PTPRQ: variants seen among roughly 807,000 people sequenced by gnomAD.
PTPRQ encodes protein tyrosine phosphatase receptor type Q, also known as phosphatidylinositol phosphatase PTPRQ.
Under a neutral mutation model 246.0 loss-of-function variants are expected in PTPRQ, and 199 were observed. The observed-to-expected ratio is 0.81, with a 90% CI of 0.72 to 0.91. PTPRQ has a LOEUF of 0.91. PTPRQ is among the 40% of genes least tolerant of loss of function. The pLI, the probability that PTPRQ is intolerant of heterozygous loss-of-function variation, is 0.00. For synonymous variants in PTPRQ, 869 were observed against 853.2 expected (o/e 1.02, Z -0.32); for missense variants, 2,624 against 2,528.4 (o/e 1.04, Z -0.81).
intron 10 of PTPRQ, 80 bp downstream of exon 10, chr12:80,493,535 G>C (rs1183718758): frequency 3.5e-6 from 5 of 1,422,746 alleles, no homozygotes; most frequent in Non-Finnish European, 4.6e-6. Flanking sequence ...TAAGCTTAGA[G>C]TTCAGCCATA....
chr12:80,606,384 G>T (rs1406170), intron 27 of PTPRQ, among the ~76,000 whole-genome samples: 5 of 150,966 alleles, frequency 3.3e-5, no homozygotes, highest in Non-Finnish European at 7.4e-5. Context: ...TAAATAAGAG[G>T]CCATTGAAGA....
chr12:80,459,311 T>C lies in PTPRQ; in HGVS notation c.488T>C (p.Val163Ala), dbSNP rs1893075695. 1 of 398,384 alleles carries C rather than the reference T, an allele frequency of 2.5e-6. No homozygotes were observed. The highest frequency in any genetic ancestry group is 4.4e-5 in the Admixed American group (1 of 22,702). The allele number at this position is 398,384 out of a possible 1,614,324, so 24.7% of individuals were successfully genotyped here. Residue 163 changes from valine to alanine, a missense_variant, in exon 5 of 45, where the codon GTT becomes GCT. Transcript: ENST00000644991. ...SAPGKVVNLTVEAYNASAVKL... is the reference protein window; with the variant it reads ...SAPGKVVNLTAEAYNASAVKL... ...CCAGGAAAAGTGGTGAATCTCACAG[T>C]TGAGGCCTACAACGCTTCAGCAGTT... is the stretch of plus-strand genomic sequence containing the variant.
At chr12:80,548,050 C>T (rs1262174703) in intron 24 of PTPRQ, among the ~76,000 whole-genome samples, 3 of 151,950 alleles carry the variant, frequency 2.0e-5, no homozygotes, top group Admixed American at 6.6e-5. Flanking sequence ...AAATGTTCAA[C>T]CCATAAATAA....
chr12:80,534,209 TTC>T (rs1895923241), intron 18 of PTPRQ, 34 bp downstream of exon 18: 2 of 1,430,922 alleles, frequency 1.4e-6, no homozygotes, highest in East Asian at 5.4e-5. Flanking sequence ...TAAAAGAATG[TTC>T]TTTTTCTTTA....
At chr12:80,659,301 C>A (rs1177826461) in intron 39 of PTPRQ, among the ~76,000 whole-genome samples, 2 of 151,896 alleles carry the variant, frequency 1.3e-5, no homozygotes, top group Non-Finnish European at 2.9e-5. Context: ...AAATCTTATG[C>A]TTACAATTTC....
chr12:80,533,709 T>C (rs954588570), intron 17 of PTPRQ, among the ~76,000 whole-genome samples: 3 of 152,106 alleles, frequency 2.0e-5, no homozygotes, highest in African/African-American at 7.2e-5. Context: ...AAGGGAATAC[T>C]GTAATTACTT....
chr12:80,536,688 C>T (rs1895997977), intron 19 of PTPRQ, among the ~76,000 whole-genome samples: 1 of 152,180 alleles, frequency 6.6e-6, no homozygotes, highest in Non-Finnish European at 1.5e-5. Context: ...CTATGTCACG[C>T]AGTTTTTGCT....
At chr12:80,658,545 A>G (rs894780569) in intron 39 of PTPRQ, among the ~76,000 whole-genome samples, 3 of 152,054 alleles carry the variant, frequency 2.0e-5, no homozygotes, top group African/African-American at 7.2e-5. Flanking sequence ...TGGTTTGCAA[A>G]TTCATGGAAT....
intron 27 of PTPRQ, 81 bp downstream of exon 27, chr12:80,605,261 G>A: frequency 6.7e-7 from 1 of 1,484,664 alleles, no homozygotes; most frequent in Non-Finnish European, 9.0e-7. Context: ...ATTTGAATTT[G>A]AATTTTGGCT....
At chr12:80,590,271 C>G (rs1166010698) in intron 26 of PTPRQ, among the ~76,000 whole-genome samples, 1 of 152,078 alleles carries the variant, frequency 6.6e-6, no homozygotes, top group Non-Finnish European at 1.5e-5. Flanking sequence ...TACATTAGTA[C>G]AACTCTTCAT....
At chr12:80,517,801 T>A (rs1044627255) in intron 17 of PTPRQ, among the ~76,000 whole-genome samples, 5 of 152,102 alleles carry the variant, frequency 3.3e-5, no homozygotes, top group Non-Finnish European at 7.4e-5. Flanking sequence ...ACAATGACCA[T>A]GATGGCATCT....
intron 25 of PTPRQ, among the ~76,000 whole-genome samples, chr12:80,553,755 T>TG (rs1896556313): frequency 6.6e-6 from 1 of 152,146 alleles, no homozygotes; most frequent in African/African-American, 2.4e-5. Context: ...CCCCCAAGCT[T>TG]GGTTCTACAT....
intron 8 of PTPRQ, among the ~76,000 whole-genome samples, chr12:80,481,610 GTA>G (rs1232370735): frequency 2.0e-5 from 3 of 152,104 alleles, no homozygotes; most frequent in Non-Finnish European, 4.4e-5. Flanking sequence ...TGACATGATT[GTA>G]TATCTAGAAA....
At chr12:80,521,969 A>G (rs1895508839) in intron 17 of PTPRQ, among the ~76,000 whole-genome samples, 1 of 152,098 alleles carries the variant, frequency 6.6e-6, no homozygotes, top group Non-Finnish European at 1.5e-5. Context: ...GGCCATTTTC[A>G]CGATATTGAT....
At position 80,615,314 on chromosome 12, in the gene PTPRQ, A is replaced by G. The variant is rs1490662780; in HGVS notation, c.5164-886A>G. Among the ~76,000 whole-genome samples the G allele has an allele frequency of 5.3e-5, 8 of 151,166 alleles. No homozygotes were observed. In the East Asian group the frequency reaches 1.6e-3, roughly 29 times the overall value. On this transcript the variant is annotated intron_variant, in intron 29 of 44. Transcript: ENST00000644991. ...ATGTATATTGTAATATTAACTCAAT[A>G]AAAACATTTTAAAAGTATCTAGAGT... is the stretch of plus-strand genomic sequence containing the variant.
intron 8 of PTPRQ, among the ~76,000 whole-genome samples, chr12:80,475,729 C>T (rs938421968): frequency 6.6e-6 from 1 of 151,862 alleles, no homozygotes; most frequent in African/African-American, 2.4e-5. Flanking sequence ...AATATAGAAC[C>T]ACTTAATCTT....
chr12:80,595,569 A>T lies in PTPRQ; in HGVS notation c.4609+7117A>T, dbSNP rs74406614. 5.6e-3 allele frequency among the ~76,000 whole-genome samples: 855 copies of T among 151,732 alleles called. 27 individuals carry two copies. In the South Asian group the frequency reaches 0.066, roughly 12 times the overall value. ...TATTTCACAAAACCAGTATATATTT[A>T]TTATTATTATTATACTTTAAGTTTT... is the stretch of plus-strand genomic sequence containing the variant. On this transcript the variant is annotated intron_variant, in intron 26 of 44. Transcript: ENST00000644991.
chr12:80,586,820 G>A (rs897662449), intron 25 of PTPRQ: 1 of 151,988 alleles, frequency 6.6e-6, no homozygotes, highest in African/African-American at 2.4e-5. Context: ...TTATTTCTTG[G>A]CATTAATCTC....
Position 80,495,362 on chromosome 12 carries a change from C to T in PTPRQ, c.1873C>T (p.Leu625Phe), listed in dbSNP as rs1425437758. 1 of 1,504,826 alleles carries T rather than the reference C, an allele frequency of 6.6e-7. No individual in the cohort carries two copies. Among genetic ancestry groups the T allele is most frequent in the Non-Finnish European group, 8.8e-7 (1 of 1,132,400 alleles). The allele number at this position is 1,504,826 out of a possible 1,614,324, so 93.2% of individuals were successfully genotyped here. ...GATAACTACCATAGATAACAGCTTTCTCATAACAGGTAGAAAACAATGTTT... is the reference window on the plus strand; with the variant it reads ...GATAACTACCATAGATAACAGCTTTTTCATAACAGGTAGAAAACAATGTTT... ...FQITTIDNSFLITGLKKYTKY... is the reference protein window; with the variant it reads ...FQITTIDNSFFITGLKKYTKY... The change falls in exon 12 of 45, where the codon CTC becomes TTC. Residue 625 changes from leucine to phenylalanine, a missense_variant. By Grantham distance (22) the Leu-to-Phe change is conservative. Coordinates refer to ENST00000644991, the MANE Select transcript of PTPRQ (RefSeq NM_001145026.2).
Sources: allele counts gnomAD v4.1 joint callset (sites outside exome capture counted in the v4.1 genomes callset), GRCh38; gene constraint gnomAD v4.1.1; transcripts MANE v1.5; gene names NCBI Gene and HGNC (gene_info 2026-07-23, HGNC 2026-07-21).